Variants in SLC3A1 observed in about 807,000 individuals in gnomAD.
The protein encoded by SLC3A1 is solute carrier family 3 member 1.
In SLC3A1, 78 loss-of-function variants were observed where a neutral mutation model predicts 60.3. The ratio of observed to expected loss-of-function variants is 1.29; its 90% CI spans 1.08 to 1.56. The LOEUF is 1.56. Among genes scored for constraint, SLC3A1 ranks in the 40% most tolerant of loss-of-function variants. The probability of loss-of-function intolerance (pLI) is 0.00; values close to 1 mark genes in which losing one functional copy is unlikely to be tolerated. For synonymous variants in SLC3A1, 392 were observed against 307.9 expected, an observed-to-expected ratio of 1.27 and a Z score of -2.86; for missense variants, 1,172 against 858.9, an observed-to-expected ratio of 1.36 and a Z score of -4.56.
intron 7 of SLC3A1, among the ~76,000 whole-genome samples, chr2:44,305,814 C>A (rs932659842): frequency 2.0e-5 from 3 of 152,168 alleles, no homozygotes; most frequent in African/African-American, 4.8e-5. Context: ...ATCTCTACCA[C>A]CTTAGACTGT....
intron 4 of SLC3A1, among the ~76,000 whole-genome samples, chr2:44,297,849 CAGCCTCCTAA>C (rs1671893599): frequency 6.6e-6 from 1 of 152,186 alleles, no homozygotes; most frequent in Admixed American, 6.5e-5. Context: ...CCTCCCACCT[CAGCCTCCTAA>C]ATTGCTGAGA....
At position 44,300,943 on chromosome 2, in the gene SLC3A1, G is replaced by A; in HGVS notation, c.1012-60G>A. 3.7e-6 allele frequency: 6 copies of A among 1,608,824 alleles called. No homozygotes were observed. In the South Asian group the frequency reaches 6.6e-5, roughly 18 times the overall value. On this transcript the variant is annotated intron_variant, in intron 5 of 9. Transcript: ENST00000260649. Reference sequence around the variant, plus strand: ...AAGAGGTTGTCTACATTCATATAGAGCGAGCTGTGGGCATGCAATGTATGA... The same window carrying A: ...AAGAGGTTGTCTACATTCATATAGAACGAGCTGTGGGCATGCAATGTATGA...
Position 44,309,889 on chromosome 2 carries a change from T to G in SLC3A1, c.1333-2697T>G, listed in dbSNP as rs182873290. Among the ~76,000 whole-genome samples the G allele has an allele frequency of 3.1e-3, 472 of 151,682 alleles. 2 individuals carry two copies. Among genetic ancestry groups the G allele is most frequent in the Non-Finnish European group, 5.9e-3 (400 of 68,020 alleles). ...CTGGGATTACAGGCATAAGCCACTGTGCCCAGGCTTTTTTTTTGAGACAGG... is the reference window on the plus strand; with the variant it reads ...CTGGGATTACAGGCATAAGCCACTGGGCCCAGGCTTTTTTTTTGAGACAGG... On this transcript the variant is annotated intron_variant, in intron 7 of 9. Coordinates refer to ENST00000260649, the MANE Select transcript of SLC3A1 (RefSeq NM_000341.4).
intron 3 of SLC3A1, among the ~76,000 whole-genome samples, chr2:44,281,984 G>T (rs747931950): frequency 6.6e-6 from 1 of 151,910 alleles, no homozygotes; most frequent in Non-Finnish European, 1.5e-5. Context: ...CAATTCTCTT[G>T]CCTCAGCCTT....
Position 44,312,886 on chromosome 2 carries a change from C to T in SLC3A1, c.1500+133C>T. 4.0e-6 allele frequency: 3 copies of T among 747,060 alleles called. No homozygotes were observed. The South Asian group carries it at 4.9e-5, about 12-fold the overall frequency. 46.3% of individuals were successfully genotyped at this position (747,060 alleles called of 1,614,324 possible). A position where few individuals can be genotyped will look rare whatever the true frequency, so the allele number is the denominator to read the frequency against. ...AATCATGGTTACTTTGCTTTTCTTT[C>T]TTACTGTTAGTAAGAATTCTCAGCT... On this transcript the variant is annotated intron_variant, in intron 8 of 9. Transcript: ENST00000260649.
At chr2:44,282,732 A>T (rs1027671392) in intron 3 of SLC3A1, among the ~76,000 whole-genome samples, 5 of 151,996 alleles carry the variant, frequency 3.3e-5, no homozygotes, top group Admixed American at 6.6e-5. Flanking sequence ...ATCATGGCTC[A>T]CCGCAGTCTT....
intron 5 of SLC3A1, among the ~76,000 whole-genome samples, chr2:44,300,347 T>C (rs780820384): frequency 1.6e-4 from 24 of 152,210 alleles, no homozygotes; most frequent in Non-Finnish European, 3.1e-4. Flanking sequence ...ACATGGACAG[T>C]GTGGGCTCTA....
chr2:44,311,667 C>T (rs1672300466), intron 7 of SLC3A1, among the ~76,000 whole-genome samples: 1 of 151,264 alleles, frequency 6.6e-6, no homozygotes, highest in Admixed American at 6.6e-5. Context: ...AAAAATACTT[C>T]ACAATGGTCT....
In SLC3A1 at chr2:44,275,818, G is replaced by A. The variant is rs763040449; in HGVS notation, c.283G>A (p.Ala95Thr). 4.5e-5 allele frequency: 73 copies of A among 1,614,144 alleles called. No homozygotes were observed. The East Asian group carries it at 1.5e-3, about 33-fold the overall frequency. The change falls in exon 1 of 10, where the codon GCT becomes ACT. Residue 95 changes from alanine (A) to threonine (T), a missense_variant. Physicochemically the swap from Ala to Thr is moderately conservative, Grantham distance 58 (BLOSUM62 0). Transcript: ENST00000260649. The part of the protein sequence containing the change: ...PREILFWLTV[A>T]SVLVLIAATI... The stretch of plus-strand genomic sequence containing the variant: ...GGAGATCCTCTTCTGGCTCACAGTG[G>A]CTTCTGTGCTGGTGCTCATCGCGGC...
At position 44,304,338 on chromosome 2, in the gene SLC3A1, G is replaced by A. The variant is rs1198524312; in HGVS notation, c.1332G>A (p.Met444Ile). ...NMPEGKWPNW[M>I]IGGPDSSRLT... is the part of the protein sequence containing the mutation. ...CAGAAGGAAAATGGCCTAACTGGAT[G>A]GTAAGTCCTCATGACAGCAGAGTAC... The change falls in exon 7 of 10, where the codon ATG (methionine) becomes ATA (isoleucine). Residue 444 changes from methionine to isoleucine, a missense_variant and splice_region_variant. Coordinates refer to ENST00000260649, the MANE Select transcript of SLC3A1 (RefSeq NM_000341.4). 4 of 1,611,804 alleles carry A rather than the reference G, an allele frequency of 2.5e-6. No individual in the cohort carries two copies. In the Admixed American group the frequency reaches 5.0e-5, roughly 20 times the overall value.
Position 44,320,667 on chromosome 2 carries a change from GGCAT to G in SLC3A1, c.*29_*32del, listed in dbSNP as rs761832215. On this transcript the variant is annotated 3_prime_UTR_variant, in exon 10 of 10. Transcript: ENST00000260649. ...ACCTTTATGAAGAGATGAAGACACT[GGCAT>G]TTCAGTGGGATTGTAAGCATTTGTA... is the stretch of plus-strand genomic sequence containing the variant. The G allele has an allele frequency of 6.4e-7, 1 of 1,561,928 alleles. No individual in the cohort carries two copies. Among genetic ancestry groups the G allele is most frequent in the East Asian group, 2.2e-5 (1 of 44,648 alleles).
In SLC3A1 at chr2:44,275,707, G is replaced by T. The variant is rs778336820; in HGVS notation, c.172G>T (p.Asp58Tyr). Reference protein sequence around the residue: ...TRGILGSQEPDFKGVQPYAGM... With the variant: ...TRGILGSQEPYFKGVQPYAGM... ...GGGCATCCTTGGCTCCCAGGAGCCC[G>T]ACTTCAAGGGCGTCCAGCCCTATGC... Residue 58 changes from aspartate to tyrosine, a missense_variant, in exon 1 of 10, where the codon GAC becomes TAC. Physicochemically the swap from Asp to Tyr is radical, Grantham distance 160 (BLOSUM62 -3). Transcript: ENST00000260649. 3.1e-6 allele frequency: 5 copies of T among 1,614,020 alleles called. No homozygotes were observed. Among genetic ancestry groups the T allele is most frequent in the African/African-American group, 1.3e-5 (1 of 74,942 alleles).
chr2:44,312,911 T>C, intron 8 of SLC3A1, 158 bp downstream of exon 8: 3 of 645,744 alleles, frequency 4.6e-6, no homozygotes, highest in Non-Finnish European at 8.0e-6. Flanking sequence ...AATTCTCAGC[T>C]TTCTTGGTGG....
At chr2:44,314,135 G>A in intron 9 of SLC3A1, 184 bp downstream of exon 9, 1 of 1,400,812 alleles carries the variant, frequency 7.1e-7, no homozygotes, top group Non-Finnish European at 9.7e-7. Context: ...AATACAAACT[G>A]GTACAAATCT....
chr2:44,308,852 C>T (rs1672220927), intron 7 of SLC3A1, among the ~76,000 whole-genome samples: 1 of 152,000 alleles, frequency 6.6e-6, no homozygotes, highest in South Asian at 2.1e-4. Context: ...CCTGTATCAG[C>T]CTCCCAAATA....
At chr2:44,321,539 C>G (rs138402468), downstream of SLC3A1, 40 of 1,524,516 alleles carry the variant, frequency 2.6e-5, no homozygotes, top group Middle Eastern at 1.4e-3. Flanking sequence ...TTTACCTAAC[C>G]GTGAAGTCAG....
intron 7 of SLC3A1, among the ~76,000 whole-genome samples, chr2:44,307,602 TTTG>T (rs1672189808): frequency 1.3e-5 from 2 of 152,016 alleles, no homozygotes; most frequent in Non-Finnish European, 2.9e-5. Flanking sequence ...GATGGCTAAT[TTTG>T]TTGAGGGTAT....
chr2:44,281,583 G>A (rs543491798), intron 3 of SLC3A1, 42 bp downstream of exon 3: 1 of 1,577,908 alleles, frequency 6.3e-7, no homozygotes, highest in East Asian at 2.2e-5. Flanking sequence ...GTAAAAGGCA[G>A]ATATGTAGTG....
At chr2:44,284,273 T>G (rs1307907187) in intron 3 of SLC3A1, among the ~76,000 whole-genome samples, 2 of 152,040 alleles carry the variant, frequency 1.3e-5, no homozygotes, top group Non-Finnish European at 2.9e-5. Context: ...AGAGACAGGG[T>G]TTCACCATAT....
Sources: gnomAD v4.1 joint callset for allele counts (sites outside exome capture counted in the v4.1 genomes callset) on GRCh38, gnomAD v4.1.1 for gene constraint, MANE v1.5 for transcripts, NCBI Gene and HGNC (gene_info 2026-07-23, HGNC 2026-07-21) for gene names.